Variants in TMEM177 observed in about 807,000 individuals in gnomAD.
TMEM177 encodes transmembrane protein 177.
A neutral mutation model predicts 14.2 loss-of-function variants in TMEM177; 4 were observed. The ratio of observed to expected loss-of-function variants is 0.28; its 90% confidence interval spans 0.14 to 0.64. The LOEUF is 0.64. Ranked by LOEUF, TMEM177 falls within the 30% of genes least tolerant of loss-of-function variation. TMEM177 has a pLI of 0.82. For missense variants in TMEM177, 344 were observed against 405.2 expected, an observed-to-expected ratio of 0.85 and a Z score of 1.30; for synonymous variants, 179 against 174.5, an observed-to-expected ratio of 1.03 and a Z score of -0.20.
chr2:119,688,407 T>C (rs1260416053), downstream of TMEM177, among the ~76,000 whole-genome samples: 1 of 152,180 alleles, frequency 6.6e-6, no homozygotes, highest in African/African-American at 2.4e-5. Context: ...CAATTCCATC[T>C]TTGTGTGAAC....
the TMEM177 span, among the ~76,000 whole-genome samples, chr2:119,723,433 C>T: frequency 6.6e-6 from 1 of 152,196 alleles, no homozygotes; most frequent in Non-Finnish European, 1.5e-5. Context: ...AGACATTCCC[C>T]CCATAGCTTT....
downstream of TMEM177, among the ~76,000 whole-genome samples, chr2:119,689,160 C>T (rs1172116658): frequency 6.6e-6 from 1 of 152,204 alleles, no homozygotes; most frequent in Non-Finnish European, 1.5e-5. Context: ...CCCAATATGG[C>T]TCTTACTCAT....
chr2:119,718,142 G>A, the TMEM177 span, among the ~76,000 whole-genome samples: 1 of 152,280 alleles, frequency 6.6e-6, no homozygotes, highest in African/African-American at 2.4e-5. Context: ...AAGGAATAAA[G>A]CGGACAGTTC....
At chr2:119,692,724 G>A in the TMEM177 span, among the ~76,000 whole-genome samples, 2 of 152,154 alleles carry the variant, frequency 1.3e-5, no homozygotes, top group African/African-American at 4.8e-5. Flanking sequence ...TGTAATCCCA[G>A]TACTTTGGGA....
At chr2:119,723,021 C>T in the TMEM177 span, among the ~76,000 whole-genome samples, 3 of 152,172 alleles carry the variant, frequency 2.0e-5, no homozygotes, top group African/African-American at 7.2e-5. Flanking sequence ...TGTATCTAAT[C>T]GTGACTCTCT....
At chr2:119,694,548 G>C in the TMEM177 span, among the ~76,000 whole-genome samples, 1 of 152,254 alleles carries the variant, frequency 6.6e-6, no homozygotes, top group East Asian at 1.9e-4. Flanking sequence ...CCTGGACCCT[G>C]TGTGTGCAAC....
the TMEM177 span, among the ~76,000 whole-genome samples, chr2:119,713,914 G>C: frequency 1.3e-5 from 2 of 152,208 alleles, no homozygotes; most frequent in Non-Finnish European, 2.9e-5. Flanking sequence ...CCACCACCAG[G>C]CTCCATCTCC....
chr2:119,692,680 A>T, the TMEM177 span, among the ~76,000 whole-genome samples: 25 of 152,204 alleles, frequency 1.6e-4, no homozygotes, highest in African/African-American at 5.3e-4. Flanking sequence ...TCCTTTAGAG[A>T]AAGGCAGGTA....
chr2:119,712,100 A>AGGCGTT, the TMEM177 span, among the ~76,000 whole-genome samples: 3 of 151,924 alleles, frequency 2.0e-5, no homozygotes, highest in African/African-American at 7.3e-5. Context: ...GATTTGTCTG[A>AGGCGTT]GGCGTTGGCG....
At chr2:119,699,594 C>T in the TMEM177 span, among the ~76,000 whole-genome samples, 1 of 152,190 alleles carries the variant, frequency 6.6e-6, no homozygotes. Flanking sequence ...GGCTCCTCCC[C>T]ACTGCAAAAG....
the TMEM177 span, among the ~76,000 whole-genome samples, chr2:119,715,863 GAGA>G: frequency 6.6e-6 from 1 of 152,206 alleles, no homozygotes; most frequent in Non-Finnish European, 1.5e-5. Context: ...TCCCCAGAGG[GAGA>G]AGCAGACGGG....
At chr2:119,717,734 G>A in the TMEM177 span, among the ~76,000 whole-genome samples, 2 of 149,476 alleles carry the variant, frequency 1.3e-5, no homozygotes, top group Non-Finnish European at 3.0e-5. Flanking sequence ...TCAGCCTCCC[G>A]AGTAGCTGAG....
Position 119,681,361 on chromosome 2 carries a change from G to T in TMEM177, c.508G>T (p.Ala170Ser). ...YLESSTTAVH[A>S]LLAPACLAGT... ...GGAAAGCAGTACCACTGCCGTGCAC[G>T]CCCTGCTGGCCCCAGCTTGCCTGGC... Residue 170 changes from alanine (A) to serine (S), a missense_variant, in exon 2 of 2, where the codon GCC (alanine) becomes TCC (serine). Transcript: ENST00000272521. 6.2e-7 allele frequency: 1 copy of T among 1,613,946 alleles called. No individual in the cohort carries two copies.
At chr2:119,691,047 C>T (rs748124943), downstream of TMEM177, among the ~76,000 whole-genome samples, 14 of 152,180 alleles carry the variant, frequency 9.2e-5, no homozygotes, top group Non-Finnish European at 8.8e-5. Flanking sequence ...AGGCCTGAAG[C>T]ATGCATGTCT....
At chr2:119,685,264 A>G (rs941111489), downstream of TMEM177, among the ~76,000 whole-genome samples, 1 of 122,972 alleles carries the variant, frequency 8.1e-6, no homozygotes, top group African/African-American at 3.1e-5. Context: ...ACACACACAC[A>G]CATCTGGATA....
chr2:119,701,827 T>G, the TMEM177 span, among the ~76,000 whole-genome samples: 142,373 of 152,236 alleles, frequency 0.94, 66,849 homozygotes, highest in East Asian at 1. Context: ...GGAGTGCTGA[T>G]TGGTCAGATT....
rs373875555 is a variant in TMEM177, at chr2:119,681,756, G to T, written c.903G>T (p.Met301Ile). The T allele has an allele frequency of 6.2e-7, 1 of 1,614,006 alleles. No individual in the cohort carries two copies. Among genetic ancestry groups the T allele is most frequent in the African/African-American group, 1.3e-5 (1 of 74,946 alleles). ...CCCGCCGGGACTCTGTGCTGCAGAT[G>T]TGGAGGGGGATGCTCAATCCGGGCC... ...YTTRRDSVLQMWRGMLNPGRS is the reference protein window; with the variant it reads ...YTTRRDSVLQIWRGMLNPGRS Residue 301 changes from methionine (M) to isoleucine (I), a missense_variant, in exon 2 of 2, where the codon ATG (methionine) becomes ATT (isoleucine). By Grantham distance (10) the Met-to-Ile change is conservative. Transcript: ENST00000272521.
rs760723850 is a variant in TMEM177 at position 119,681,360 on chromosome 2, C to T, written c.507C>T (p.His169=). The change falls in exon 2 of 2, where the codon CAC becomes CAT. Residue 169 remains histidine, a synonymous_variant. Coordinates refer to ENST00000272521, the MANE Select transcript of TMEM177 (RefSeq NM_030577.3). ...TGGAAAGCAGTACCACTGCCGTGCA[C>T]GCCCTGCTGGCCCCAGCTTGCCTGG... is the stretch of plus-strand genomic sequence containing the variant. ...VYLESSTTAV[H]ALLAPACLAG... 39 of 1,614,042 alleles carry T rather than the reference C, an allele frequency of 2.4e-5. No individual in the cohort carries two copies. The East Asian group carries it at 3.1e-4, about 13-fold the overall frequency.
chr2:119,718,057 C>T, the TMEM177 span, among the ~76,000 whole-genome samples: 8 of 152,018 alleles, frequency 5.3e-5, no homozygotes, highest in Non-Finnish European at 2.9e-5. Context: ...GGAGTGGGGG[C>T]ACAAATAGGG....
Sources: gnomAD v4.1 joint callset for allele counts (sites outside exome capture counted in the v4.1 genomes callset) on GRCh38, gnomAD v4.1.1 for gene constraint, MANE v1.5 for transcripts, NCBI Gene and HGNC (gene_info 2026-07-23, HGNC 2026-07-21) for gene names.